The following LPAR1 variants were observed in gnomAD, a reference collection of about 807,000 sequenced individuals.
The protein encoded by LPAR1 is LPA receptor 1.
A neutral mutation model predicts 23.8 loss-of-function variants in LPAR1; 5 were observed. The observed-to-expected ratio is 0.21, with a 90% CI of 0.11 to 0.44. The LOEUF is 0.44. LPAR1 is among the 20% of genes least tolerant of loss of function. The pLI, the probability that LPAR1 is intolerant of heterozygous loss-of-function variation, is 0.99. For synonymous variants in LPAR1, 160 were observed against 164.7 expected (o/e 0.97, Z 0.22); for missense variants, 311 against 482.8 (o/e 0.64, Z 3.33).
At chr9:110,906,516 A>T (rs2091264911) in intron 5 of LPAR1, among the ~76,000 whole-genome samples, 1 of 152,192 alleles carries the variant, frequency 6.6e-6, no homozygotes, top group Non-Finnish European at 1.5e-5. Context: ...CCAACCCAAC[A>T]CATGCCAAAA....
At chr9:110,955,055 A>C (rs372590231) in intron 4 of LPAR1, among the ~76,000 whole-genome samples, 25 of 152,236 alleles carry the variant, frequency 1.6e-4, no homozygotes, top group African/African-American at 6.0e-4. Context: ...AAAATCAATT[A>C]ACAAAATGAC....
intron 2 of LPAR1, among the ~76,000 whole-genome samples, chr9:111,011,879 T>C (rs1437342895): frequency 1.3e-5 from 2 of 152,108 alleles, no homozygotes; most frequent in Non-Finnish European, 2.9e-5. Context: ...TACCGTGAGA[T>C]GGAAAATAAT....
intron 4 of LPAR1, among the ~76,000 whole-genome samples, chr9:110,966,784 T>C (rs1716703494): frequency 6.6e-6 from 1 of 152,210 alleles, no homozygotes; most frequent in South Asian, 2.1e-4. Context: ...GGTTTTCAGA[T>C]ACCTATTCTG....
At chr9:110,921,686 G>A (rs561276411) in intron 5 of LPAR1, among the ~76,000 whole-genome samples, 2 of 152,310 alleles carry the variant, frequency 1.3e-5, no homozygotes, top group Admixed American at 6.5e-5. Flanking sequence ...GAAAAGGAGC[G>A]ATGAGATGTG....
At chr9:110,883,248 C>G (rs1186035098) in intron 5 of LPAR1, among the ~76,000 whole-genome samples, 1 of 152,122 alleles carries the variant, frequency 6.6e-6, no homozygotes, top group Non-Finnish European at 1.5e-5. Flanking sequence ...GTTGGCCAGG[C>G]TGGTCTTGAA....
At chr9:110,936,852 CA>C (rs2094739958) in intron 5 of LPAR1, among the ~76,000 whole-genome samples, 1 of 152,124 alleles carries the variant, frequency 6.6e-6, no homozygotes, top group Admixed American at 6.5e-5. Flanking sequence ...GAAGTGTCAT[CA>C]CAAAGAATAC....
rs73657213 is a variant in LPAR1, at chr9:110,961,008, T to G, written c.45+11065A>C. ...TATAAACTTGTTCCATTTCAATTTTTAAAATGGAATTTTGTATCTATTTTA... is the reference window on the plus strand; with the variant it reads ...TATAAACTTGTTCCATTTCAATTTTGAAAATGGAATTTTGTATCTATTTTA... On this transcript the variant is annotated intron_variant, in intron 4 of 5. Transcript: ENST00000683809. Among the ~76,000 whole-genome samples the G allele has an allele frequency of 7.1e-3, 1,081 of 152,326 alleles. 17 individuals are homozygous for G. Among genetic ancestry groups the G allele is most frequent in the African/African-American group, 0.024 (1,015 of 41,580 alleles).
chr9:110,957,758 A>C (rs895658773), intron 4 of LPAR1, among the ~76,000 whole-genome samples: 2 of 152,208 alleles, frequency 1.3e-5, no homozygotes, highest in Non-Finnish European at 2.9e-5. Context: ...AGAGAAAGAA[A>C]TAAAGGCATC....
chr9:111,001,750 T>C (rs939566054), intron 2 of LPAR1, among the ~76,000 whole-genome samples: 4 of 152,110 alleles, frequency 2.6e-5, no homozygotes, highest in African/African-American at 7.2e-5. Flanking sequence ...CCTGAAATAA[T>C]ACAGAAACAA....
At chr9:110,875,801 T>A (rs1431169303) in intron 5 of LPAR1, 79 bp from the exon 6 acceptor site, 2 of 735,142 alleles carry the variant, frequency 2.7e-6, no homozygotes, top group African/African-American at 1.8e-5. Flanking sequence ...GACCATAAAG[T>A]GAAATGATTT....
rs868527342 is a variant in LPAR1, at chr9:110,892,843, A to C, written c.794-17121T>G. Among the ~76,000 whole-genome samples, 196 of 112,928 alleles carry C rather than the reference A, an allele frequency of 1.7e-3. 1 individual carries two copies. Among genetic ancestry groups the C allele is most frequent in the African/African-American group, 5.3e-3 (179 of 33,762 alleles). 74.1% of individuals were successfully genotyped at this position (112,928 alleles called of 152,430 possible). A position where few individuals can be genotyped will look rare whatever the true frequency, so the allele number is the denominator to read the frequency against. On this transcript the variant is annotated intron_variant, in intron 5 of 5. Coordinates refer to ENST00000683809, the MANE Select transcript of LPAR1 (RefSeq NM_001351411.2). ...AAGGAAGGAAGGCAGGCAGGCAGGC[A>C]GGCAGGCAGGCAGGCAGGCAGGCAT...
At chr9:111,010,869 C>T (rs1028005510) in intron 2 of LPAR1, among the ~76,000 whole-genome samples, 4 of 152,158 alleles carry the variant, frequency 2.6e-5, no homozygotes, top group Admixed American at 1.3e-4. Context: ...AAGCATATCC[C>T]TAAAGAAGAA....
chr9:110,901,919 T>C (rs1273827709), intron 5 of LPAR1, among the ~76,000 whole-genome samples: 1 of 152,126 alleles, frequency 6.6e-6, no homozygotes, highest in Non-Finnish European at 1.5e-5. Flanking sequence ...TACCCAAAAA[T>C]AGTCCCTGCA....
intron 2 of LPAR1, among the ~76,000 whole-genome samples, chr9:111,020,028 T>C (rs2097533717): frequency 1.3e-5 from 2 of 152,168 alleles, no homozygotes; most frequent in South Asian, 2.1e-4. Flanking sequence ...TGAATGTGTA[T>C]AGAAACAAAG....
intron 4 of LPAR1, among the ~76,000 whole-genome samples, chr9:110,969,971 T>A (rs2096362524): frequency 1.3e-5 from 2 of 152,206 alleles, no homozygotes; most frequent in Admixed American, 1.3e-4. Context: ...ACTGTTGAAT[T>A]ACCCTCCAGA....
intron 5 of LPAR1, among the ~76,000 whole-genome samples, chr9:110,898,807 T>C (rs1414181579): frequency 2.6e-5 from 4 of 152,238 alleles, no homozygotes; most frequent in African/African-American, 9.6e-5. Flanking sequence ...AGTGAATTCT[T>C]ATTTTTGCTG....
At position 110,875,211 on chromosome 9, in the gene LPAR1, G is replaced by A. The variant is rs2078803046; in HGVS notation, c.*210C>T. On this transcript the variant is annotated 3_prime_UTR_variant, in exon 6 of 6. Transcript: ENST00000683809. Reference sequence around the variant, plus strand: ...CAACTTCCTACTTTCAGAAGGGATGGGGATCAAGATGAGGGTTGTCACATA... The same window carrying A: ...CAACTTCCTACTTTCAGAAGGGATGAGGATCAAGATGAGGGTTGTCACATA... The A allele has an allele frequency of 4.3e-6, 2 of 467,092 alleles. No individual in the cohort carries two copies. Among genetic ancestry groups the A allele is most frequent in the East Asian group, 6.5e-5 (2 of 30,670 alleles). 28.9% of individuals were successfully genotyped at this position (467,092 alleles called of 1,614,324 possible). A position where few individuals can be genotyped will look rare whatever the true frequency, so the allele number is the denominator to read the frequency against.
At chr9:110,976,322 G>C (rs7047251) in intron 2 of LPAR1, among the ~76,000 whole-genome samples, 116,638 of 146,780 alleles carry the variant, frequency 0.79, 46,762 homozygotes, top group Middle Eastern at 0.86. Flanking sequence ...GAAACCCCGT[G>C]TCTACTAAAA....
chr9:111,005,154 A>C (rs1011114060), intron 2 of LPAR1, among the ~76,000 whole-genome samples: 3 of 129,012 alleles, frequency 2.3e-5, no homozygotes, highest in Non-Finnish European at 5.4e-5. Context: ...AAAGTCTCAA[A>C]AAAAAAAAAA....
Sources: allele counts gnomAD v4.1 joint callset (sites outside exome capture counted in the v4.1 genomes callset), GRCh38; gene constraint gnomAD v4.1.1; transcripts MANE v1.5; gene names NCBI Gene and HGNC (gene_info 2026-07-23, HGNC 2026-07-21).